The following SEL1L variants were observed in gnomAD, a reference collection of about 807,000 sequenced individuals.
The protein encoded by SEL1L is protein sel-1 homolog 1.
Under a neutral mutation model 109.8 loss-of-function variants are expected in SEL1L, and 52 were observed. The ratio of observed to expected loss-of-function variants is 0.47; its 90% CI spans 0.38 to 0.60. SEL1L has a LOEUF of 0.60. Ranked by LOEUF, SEL1L falls within the 20% of genes least tolerant of loss-of-function variation. The pLI, the probability that SEL1L is intolerant of heterozygous loss-of-function variation, is 0.00. For missense variants in SEL1L, 749 were observed against 962.2 expected (o/e 0.78, Z 2.93); for synonymous variants, 373 against 339.6 (o/e 1.10, Z -1.08).
At chr14:81,487,361 T>TA in intron 16 of SEL1L, 29 bp downstream of exon 16, 1 of 1,547,264 alleles carries the variant, frequency 6.5e-7, no homozygotes, top group Non-Finnish European at 8.6e-7. Flanking sequence ...ATCAACTCCC[T>TA]ACACACAAGC....
Position 81,527,472 on chromosome 14 carries a change from C to CACAT in SEL1L, c.108+228_108+229insATGT, listed in dbSNP as rs1276588010. Among the ~76,000 whole-genome samples the CACAT allele has an allele frequency of 4.8e-5, 7 of 146,798 alleles. 1 individual carries two copies. Among genetic ancestry groups the CACAT allele is most frequent in the Non-Finnish European group, 9.1e-5 (6 of 65,962 alleles). On this transcript the variant is annotated intron_variant, in intron 2 of 20. Coordinates refer to ENST00000336735, the MANE Select transcript of SEL1L (RefSeq NM_005065.6). ...ACACACACACACACACACACACACA[C>CACAT]AGAGCACATTCAAGTTGAAATGAAA... is the stretch of plus-strand genomic sequence containing the variant.
At chr14:81,496,567 C>T (rs1883759018) in intron 10 of SEL1L, among the ~76,000 whole-genome samples, 1 of 151,938 alleles carries the variant, frequency 6.6e-6, no homozygotes, top group South Asian at 2.1e-4. Flanking sequence ...GGTGAAACTC[C>T]ATCTCCACTA....
chr14:81,492,908 T>C (rs1389659299), intron 11 of SEL1L, among the ~76,000 whole-genome samples: 3 of 152,224 alleles, frequency 2.0e-5, no homozygotes, highest in Non-Finnish European at 2.9e-5. Flanking sequence ...ATTTCTCTAA[T>C]GATAACCTGG....
chr14:81,505,171 T>G (rs1349496230), intron 4 of SEL1L, among the ~76,000 whole-genome samples: 4 of 152,228 alleles, frequency 2.6e-5, no homozygotes, highest in African/African-American at 9.6e-5. Context: ...CTTTACAAGG[T>G]GAAAATATTT....
At position 81,499,482 on chromosome 14, in the gene SEL1L, T is replaced by C; in HGVS notation, c.868A>G (p.Asn290Asp). Residue 290 changes from asparagine to aspartate, a missense_variant, in exon 8 of 21, where the codon AAT (asparagine) becomes GAT (aspartate). By Grantham distance (23) the Asn-to-Asp change is conservative. This residue lies in a region of SEL1L where 366 missense variants were observed against 399.8 expected (regional missense o/e 0.92). Transcript: ENST00000336735. ...ACCAAAACCATGTGGGCTATTAGATTGCCCCCAAGAGCTCCAAATGTATAA... is the reference window on the plus strand; with the variant it reads ...ACCAAAACCATGTGGGCTATTAGATCGCCCCCAAGAGCTCCAAATGTATAA... ...VYYTFGALGG[N>D]LIAHMVLGYR... is the part of the protein sequence containing the mutation. The C allele has an allele frequency of 6.2e-7, 1 of 1,612,406 alleles. No homozygotes were observed.
chr14:81,527,027 C>G, intron 2 of SEL1L, 63 bp from the exon 3 acceptor site: 1 of 1,224,964 alleles, frequency 8.2e-7, no homozygotes, highest in South Asian at 1.3e-5. Context: ...CCTATTTGAC[C>G]GTTATTTTTA....
intron 2 of SEL1L, 103 bp from the exon 3 acceptor site, chr14:81,527,067 C>T: frequency 1.3e-6 from 1 of 791,028 alleles, no homozygotes; most frequent in East Asian, 2.7e-5. Context: ...TCCTTCAGCT[C>T]CTTGAAGTGC....
chr14:81,527,737 A>T lies in SEL1L; in HGVS notation c.72T>A (p.Asp24Glu), dbSNP rs1271864752. The change falls in exon 2 of 21, where the codon GAT (aspartate) becomes GAA (glutamate). Residue 24 changes from aspartate to glutamate, a missense_variant and splice_region_variant. Physicochemically the swap from Asp to Glu is conservative, Grantham distance 45 (BLOSUM62 2). Around this residue, in one of 2 missense-constraint regions of SEL1L, gnomAD observed 366 missense variants for 399.8 expected, o/e 0.92. Coordinates refer to ENST00000336735, the MANE Select transcript of SEL1L (RefSeq NM_005065.6). Reference sequence around the variant, plus strand: ...AGGATTCATCCTGGCTGCCTTCTTCATCTGCAAAGAAATTTTAAGACAATT... The same window carrying T: ...AGGATTCATCCTGGCTGCCTTCTTCTTCTGCAAAGAAATTTTAAGACAATT... ...VLLSLASASS[D>E]EEGSQDESLD... 6.2e-7 allele frequency: 1 copy of T among 1,600,544 alleles called. No homozygotes were observed. Among genetic ancestry groups the T allele is most frequent in the Admixed American group, 1.7e-5 (1 of 58,618 alleles).
At chr14:81,492,964 T>C (rs1883605134) in intron 11 of SEL1L, among the ~76,000 whole-genome samples, 1 of 152,226 alleles carries the variant, frequency 6.6e-6, no homozygotes, top group African/African-American at 2.4e-5. Context: ...GAGCATATTT[T>C]CATTGTTGTC....
chr14:81,485,300 G>C (rs1205218026), intron 18 of SEL1L, among the ~76,000 whole-genome samples: 4 of 152,098 alleles, frequency 2.6e-5, no homozygotes, highest in Non-Finnish European at 5.9e-5. Flanking sequence ...TTTTGAGAAG[G>C]AGTCTCGCTC....
At chr14:81,524,068 T>G (rs1260024585) in intron 3 of SEL1L, among the ~76,000 whole-genome samples, 5 of 152,216 alleles carry the variant, frequency 3.3e-5, no homozygotes, top group South Asian at 2.1e-4. Context: ...GATGAGACTA[T>G]ATTTCAGGGT....
chr14:81,517,494 T>C (rs1884746948), intron 3 of SEL1L, among the ~76,000 whole-genome samples: 1 of 152,198 alleles, frequency 6.6e-6, no homozygotes, highest in Non-Finnish European at 1.5e-5. Context: ...AGCAGTTTTT[T>C]TTCAGCCTGG....
Position 81,475,189 on chromosome 14 carries a change from C to G in SEL1L, c.*1783G>C, listed in dbSNP as rs1013658518. 1 of 152,202 alleles carries G rather than the reference C, an allele frequency of 6.6e-6. No homozygotes were observed. The allele number at this position is 152,202 out of a possible 1,614,324, so 9.4% of individuals were successfully genotyped here. On this transcript the variant is annotated 3_prime_UTR_variant, in exon 21 of 21. Transcript: ENST00000336735. ...AAATCTCTACATGTAAGAGACCAAA[C>G]AAGTCTCACTATTTACAAGAGTTGC... is the stretch of plus-strand genomic sequence containing the variant.
chr14:81,527,758 C>T lies in SEL1L; in HGVS notation c.71-20G>A. Reference sequence around the variant, plus strand: ...CTTCATCTGCAAAGAAATTTTAAGACAATTTAGTAATCTTTCTTGTTGGGA... The same window carrying T: ...CTTCATCTGCAAAGAAATTTTAAGATAATTTAGTAATCTTTCTTGTTGGGA... On this transcript the variant is annotated intron_variant, in intron 1 of 20. Transcript: ENST00000336735. The T allele has an allele frequency of 6.4e-7, 1 of 1,567,934 alleles. No individual in the cohort carries two copies. Among genetic ancestry groups the T allele is most frequent in the South Asian group, 1.1e-5 (1 of 87,136 alleles).
intron 3 of SEL1L, among the ~76,000 whole-genome samples, chr14:81,515,334 G>T (rs562723449): frequency 2.0e-5 from 3 of 152,322 alleles, no homozygotes; most frequent in African/African-American, 4.8e-5. Context: ...GCAAACCTTC[G>T]ATCTCACTTG....
intron 4 of SEL1L, among the ~76,000 whole-genome samples, 192 bp downstream of exon 4, chr14:81,505,882 G>A (rs529922115): frequency 6.6e-6 from 1 of 152,270 alleles, no homozygotes; most frequent in African/African-American, 2.4e-5. Context: ...ACGTGAGTGT[G>A]ACTTGAGTGA....
intron 13 of SEL1L, among the ~76,000 whole-genome samples, 162 bp downstream of exon 13, chr14:81,490,226 G>C (rs532746453): frequency 1.3e-5 from 2 of 152,280 alleles, no homozygotes; most frequent in South Asian, 4.2e-4. Context: ...TTTATCGGGA[G>C]GGCTTTGTTT....
chr14:81,479,220 C>T (rs1170989746), intron 20 of SEL1L: 1 of 153,020 alleles, frequency 6.5e-6, no homozygotes, highest in Admixed American at 6.5e-5. Flanking sequence ...GTACAACAAC[C>T]TGGGGAGGTT....
intron 3 of SEL1L, among the ~76,000 whole-genome samples, chr14:81,510,912 T>C (rs1884451983): frequency 6.6e-6 from 1 of 152,146 alleles, no homozygotes. Context: ...CAAACGATTG[T>C]CACCAAAAAA....
Sources: gnomAD v4.1 joint callset for allele counts (sites outside exome capture counted in the v4.1 genomes callset) on GRCh38, gnomAD v4.1.1 for gene constraint, gnomAD v4.1.1 regional missense constraint, MANE v1.5 for transcripts, NCBI Gene and HGNC (gene_info 2026-07-23, HGNC 2026-07-21) for gene names.